TANGO6: variants seen among roughly 807,000 people sequenced by gnomAD.
TANGO6 encodes the protein transport and golgi organization 6 homolog, also known as transport and Golgi organization protein 6 homolog.
In TANGO6, 90 loss-of-function variants were observed where a neutral mutation model predicts 114.2. That is an observed-to-expected ratio of 0.79 (90% CI 0.66 to 0.94). The LOEUF is 0.94. Among genes scored for constraint, TANGO6 ranks in the 40% least tolerant of loss-of-function variants. The pLI is 0.00. For synonymous variants in TANGO6, 477 were observed against 509.8 expected (o/e 0.94, Z 0.87); for missense variants, 1,274 against 1,315.3 (o/e 0.97, Z 0.49).
At chr16:68,867,829 T>G (rs1237167115) in intron 4 of TANGO6, 1 of 145,848 alleles carries the variant, frequency 6.9e-6, no homozygotes, top group Non-Finnish European at 1.5e-5. Context: ...AGAATGAGAC[T>G]TTGTCTCAAT....
chr16:68,859,316 A>G (rs1285620601), intron 1 of TANGO6, among the ~76,000 whole-genome samples: 1 of 151,968 alleles, frequency 6.6e-6, no homozygotes, highest in Non-Finnish European at 1.5e-5. Context: ...GACTACAGGC[A>G]CTCACCACCA....
intron 13 of TANGO6, among the ~76,000 whole-genome samples, chr16:68,929,755 T>C (rs918534765): frequency 6.6e-5 from 10 of 152,186 alleles, no homozygotes; most frequent in African/African-American, 2.4e-4. Flanking sequence ...TACAAGATTT[T>C]CAAAAATAAA....
intron 9 of TANGO6, among the ~76,000 whole-genome samples, chr16:68,904,997 C>T (rs1401317273): frequency 1.3e-5 from 2 of 151,470 alleles, no homozygotes; most frequent in African/African-American, 2.4e-5. Flanking sequence ...CCGAGACGGG[C>T]GGATCACCTG....
At chr16:68,973,635 T>C (rs915901359) in intron 14 of TANGO6, among the ~76,000 whole-genome samples, 1 of 152,210 alleles carries the variant, frequency 6.6e-6, no homozygotes, top group African/African-American at 2.4e-5. Context: ...AGCCATGAGC[T>C]TAGATCTAAT....
At chr16:69,081,590 C>T (rs970713973) in intron 17 of TANGO6, among the ~76,000 whole-genome samples, 13 of 151,936 alleles carry the variant, frequency 8.6e-5, no homozygotes, top group African/African-American at 3.1e-4. Context: ...ATCCACCTAC[C>T]TTGGCCTCCC....
At chr16:68,866,102 T>G (rs1962173289) in intron 3 of TANGO6, among the ~76,000 whole-genome samples, 1 of 152,186 alleles carries the variant, frequency 6.6e-6, no homozygotes, top group Admixed American at 6.5e-5. Context: ...ATTCAGAGAT[T>G]GTTTGCATTA....
intron 16 of TANGO6, among the ~76,000 whole-genome samples, chr16:69,027,549 A>G (rs1344591400): frequency 6.6e-6 from 1 of 152,124 alleles, no homozygotes; most frequent in Non-Finnish European, 1.5e-5. Flanking sequence ...TTTAGCAAAT[A>G]TCTTGTTCTT....
Position 69,058,208 on chromosome 16 carries a change from G to T in TANGO6, c.3108+17787G>T, listed in dbSNP as rs557567071. 3.9e-5 allele frequency among the ~76,000 whole-genome samples: 6 copies of T among 152,244 alleles called. No individual in the cohort carries two copies. The South Asian group carries it at 1.0e-3, about 26-fold the overall frequency. On this transcript the variant is annotated intron_variant, in intron 17 of 17. Transcript: ENST00000261778. Reference sequence around the variant, plus strand: ...TGGGGTGACGCGAAATGACAGCCTGGATTGATGCTCTGGGGTTTGTTCCAG... The same window carrying T: ...TGGGGTGACGCGAAATGACAGCCTGTATTGATGCTCTGGGGTTTGTTCCAG...
chr16:68,862,964 G>A lies in TANGO6; in HGVS notation c.755G>A (p.Arg252Lys). ...TTTTAGGTTCTAACTGAAGAGGAGAGAACCCTATCCAGGGGGGCCTTGAGA... is the reference window on the plus strand; with the variant it reads ...TTTTAGGTTCTAACTGAAGAGGAGAAAACCCTATCCAGGGGGGCCTTGAGA... ...PAEEVLTEEE[R>K]TLSRGALRDM... Residue 252 changes from arginine (R) to lysine (K), a missense_variant, in exon 3 of 18, where the codon AGA (arginine) becomes AAA (lysine). Transcript: ENST00000261778. 1 of 1,597,006 alleles carries A rather than the reference G, an allele frequency of 6.3e-7. No individual in the cohort carries two copies. Among genetic ancestry groups the A allele is most frequent in the Non-Finnish European group, 8.5e-7 (1 of 1,171,902 alleles).
Position 68,966,586 on chromosome 16 carries a change from C to G in TANGO6, c.2702-7442C>G, listed in dbSNP as rs544656493. Among the ~76,000 whole-genome samples, 7 of 151,982 alleles carry G rather than the reference C, an allele frequency of 4.6e-5. No individual in the cohort carries two copies. The South Asian group carries it at 1.5e-3, about 32-fold the overall frequency. ...TTAGTATATTTTCAGAGTGTGTAAC[C>G]ATCACCACAGTCAACTTTAGAAGTT... On this transcript the variant is annotated intron_variant, in intron 14 of 17. Coordinates refer to ENST00000261778, the MANE Select transcript of TANGO6 (RefSeq NM_024562.2).
At chr16:68,917,143 A>G (rs1455397489) in intron 11 of TANGO6, among the ~76,000 whole-genome samples, 1 of 152,142 alleles carries the variant, frequency 6.6e-6, no homozygotes, top group Non-Finnish European at 1.5e-5. Context: ...AAAATGTAAT[A>G]TGGGTGAAAT....
chr16:68,950,186 G>A (rs757602004), intron 14 of TANGO6, among the ~76,000 whole-genome samples: 2 of 152,278 alleles, frequency 1.3e-5, no homozygotes, highest in Admixed American at 6.5e-5. Flanking sequence ...GTTTCTTTGT[G>A]AGGAGATGAA....
chr16:68,926,700 G>A (rs113437190), intron 12 of TANGO6, among the ~76,000 whole-genome samples: 1 of 151,318 alleles, frequency 6.6e-6, no homozygotes, highest in African/African-American at 2.4e-5. Context: ...GCTGATTTTT[G>A]TATTTTTAGT....
At chr16:69,024,111 A>G (rs1959459475) in intron 16 of TANGO6, among the ~76,000 whole-genome samples, 1 of 152,080 alleles carries the variant, frequency 6.6e-6, no homozygotes, top group South Asian at 2.1e-4. Context: ...CATGTTGGCC[A>G]GGTTGGTCTC....
chr16:69,050,010 G>T (rs9921713), intron 17 of TANGO6, among the ~76,000 whole-genome samples: 1 of 151,992 alleles, frequency 6.6e-6, no homozygotes, highest in South Asian at 2.1e-4. Context: ...TCTACTTTTT[G>T]GCTATTTTAA....
chr16:69,033,181 G>A (rs919993060), intron 16 of TANGO6, among the ~76,000 whole-genome samples: 1 of 152,158 alleles, frequency 6.6e-6, no homozygotes, highest in African/African-American at 2.4e-5. Context: ...GAGAGACTCT[G>A]TCTCAAAAAT....
At chr16:69,011,540 G>A (rs187815100) in intron 15 of TANGO6, among the ~76,000 whole-genome samples, 3 of 151,512 alleles carry the variant, frequency 2.0e-5, no homozygotes, top group African/African-American at 2.4e-5. Flanking sequence ...TGCAGTCCTC[G>A]AACATCTGGG....
At chr16:68,996,246 G>T (rs1319500309) in intron 15 of TANGO6, among the ~76,000 whole-genome samples, 1 of 152,096 alleles carries the variant, frequency 6.6e-6, no homozygotes, top group Non-Finnish European at 1.5e-5. Context: ...AAAATTAATT[G>T]CATTTAAATT....
At chr16:68,947,444 C>G (rs541652492) in intron 14 of TANGO6, among the ~76,000 whole-genome samples, 15 of 151,422 alleles carry the variant, frequency 9.9e-5, no homozygotes, top group African/African-American at 3.4e-4. Flanking sequence ...CAGAGTAAGA[C>G]TCCGTCTCAA....
Sources: gnomAD v4.1 joint callset for allele counts (sites outside exome capture counted in the v4.1 genomes callset) on GRCh38, gnomAD v4.1.1 for gene constraint, MANE v1.5 for transcripts, NCBI Gene and HGNC (gene_info 2026-07-23, HGNC 2026-07-21) for gene names.